The following ABCA9 variants were observed in gnomAD, a reference collection of about 807,000 sequenced individuals.
The protein encoded by ABCA9 is ATP-binding cassette sub-family A member 9.
ABCA9 carries 183 observed loss-of-function variants against 205.3 expected under a neutral mutation model. That is an observed-to-expected ratio of 0.89 (90% CI 0.79 to 1.01). ABCA9 has a LOEUF of 1.01. ABCA9 is among the 50% of genes least tolerant of loss of function. The pLI is 0.00. For missense variants in ABCA9, 1,805 were observed against 1,912.4 expected, an observed-to-expected ratio of 0.94 and a Z score of 1.05; for synonymous variants, 651 against 683.3, an observed-to-expected ratio of 0.95 and a Z score of 0.74.
chr17:69,041,107 T>C (rs1475612250), intron 6 of ABCA9, among the ~76,000 whole-genome samples: 1 of 152,218 alleles, frequency 6.6e-6, no homozygotes, highest in Non-Finnish European at 1.5e-5. Context: ...AACTGGCTTA[T>C]AGTGTGTCCA....
intron 1 of ABCA9, among the ~76,000 whole-genome samples, chr17:69,052,544 T>C (rs888786110): frequency 1.3e-5 from 2 of 152,154 alleles, no homozygotes; most frequent in African/African-American, 4.8e-5. Context: ...ATGCATAAAG[T>C]AGACAATATG....
chr17:68,991,435 T>C (rs1013482919), intron 28 of ABCA9, among the ~76,000 whole-genome samples: 4 of 152,150 alleles, frequency 2.6e-5, no homozygotes, highest in African/African-American at 9.7e-5. Flanking sequence ...AGTCACTTCT[T>C]GGGAATGTGT....
chr17:68,994,345 T>C (rs1210573046), intron 26 of ABCA9, among the ~76,000 whole-genome samples: 2 of 152,216 alleles, frequency 1.3e-5, no homozygotes, highest in Non-Finnish European at 2.9e-5. Flanking sequence ...AATTCCTTTT[T>C]ATATAGAACT....
the ABCA9 span, among the ~76,000 whole-genome samples, chr17:69,073,950 C>T: frequency 6.6e-6 from 1 of 152,142 alleles, no homozygotes; most frequent in African/African-American, 2.4e-5. Flanking sequence ...GATCTTCCCA[C>T]CTCATCCTCC....
In ABCA9 at chr17:69,016,324, T is replaced by C. The variant is rs1347154099; in HGVS notation, c.2968A>G (p.Ile990Val). The C allele has an allele frequency of 1.2e-6, 2 of 1,603,792 alleles. No individual in the cohort carries two copies. Among genetic ancestry groups the C allele is most frequent in the East Asian group, 2.3e-5 (1 of 43,942 alleles). ...AAAATTCCAAGTAGTCCATTGCTAA[T>C]GACATCCAGGAGGACAGGAAAGCAA... Reference protein sequence around the residue: ...LNCFPVLLDVISNGLLGIFNS... With the variant: ...LNCFPVLLDVVSNGLLGIFNS... Residue 990 changes from isoleucine to valine, a missense_variant, in exon 22 of 39, where the codon ATT becomes GTT. By Grantham distance (29) the Ile-to-Val change is conservative (BLOSUM62 3). Transcript: ENST00000340001.
chr17:69,017,872 A>G, intron 20 of ABCA9, 83 bp from the exon 21 acceptor site: 1 of 1,456,946 alleles, frequency 6.9e-7, no homozygotes, highest in South Asian at 1.2e-5. Flanking sequence ...ACATCACACA[A>G]AGCATATCAC....
chr17:69,033,324 G>C (rs10468457), intron 9 of ABCA9: 35,952 of 110,144 alleles, frequency 0.33, 6,856 homozygotes, highest in Non-Finnish European at 0.45. Context: ...AAAAAAAAAG[G>C]AAAGAAAGAA....
chr17:69,006,056 A>AT lies in ABCA9; in HGVS notation c.3435+1702dup, dbSNP rs539366877. On this transcript the variant is annotated intron_variant, in intron 25 of 38. Transcript: ENST00000340001. ...GTTTATTTTAACAAACATATAGCTA[A>AT]TTTTTTTAACCCAGTCTGGAAGTCA... 3.9e-3 allele frequency among the ~76,000 whole-genome samples: 589 copies of AT among 152,248 alleles called. 7 individuals carry two copies. The highest frequency in any genetic ancestry group is 0.014 in the African/African-American group (567 of 41,550).
chr17:69,049,434 T>G lies in ABCA9; in HGVS notation c.153A>C (p.Leu51Phe). Residue 51 changes from leucine to phenylalanine, a missense_variant, in exon 3 of 39, where the codon TTA becomes TTC. By Grantham distance (22) the Leu-to-Phe change is conservative. Transcript: ENST00000340001. ...VLFLYLFFSN[L>F]HQVHDTPQMS... ...TTTGAGGAGTGTCATGAACTTGATGTAAATTGGAGAAAAATAGGTACAGAA... is the reference window on the plus strand; with the variant it reads ...TTTGAGGAGTGTCATGAACTTGATGGAAATTGGAGAAAAATAGGTACAGAA... 6.2e-7 allele frequency: 1 copy of G among 1,613,120 alleles called. No individual in the cohort carries two copies. The highest frequency in any genetic ancestry group is 8.5e-7 in the Non-Finnish European group (1 of 1,179,440).
Position 69,035,260 on chromosome 17 carries a change from C to A in ABCA9, c.1114G>T (p.Val372Phe). The A allele has an allele frequency of 6.3e-7, 1 of 1,584,302 alleles. No individual in the cohort carries two copies. Among genetic ancestry groups the A allele is most frequent in the Middle Eastern group, 1.7e-4 (1 of 5,926 alleles). ...LCLLSPFAFT[V>F]GMAQLIHLDY... Reference sequence around the variant, plus strand: ...TTAACTCTTACCTGGGCCATCCCAACAGTGAAGGCAAAGGGGCTAAGAAGA... The same window carrying A: ...TTAACTCTTACCTGGGCCATCCCAAAAGTGAAGGCAAAGGGGCTAAGAAGA... Residue 372 changes from valine (V) to phenylalanine (F), a missense_variant, in exon 8 of 39, where the codon GTT becomes TTT. Physicochemically the swap from Val to Phe is conservative, Grantham distance 50. Transcript: ENST00000340001.
At chr17:68,981,604 C>T (rs2069054772) in intron 37 of ABCA9, among the ~76,000 whole-genome samples, 1 of 151,922 alleles carries the variant, frequency 6.6e-6, no homozygotes, top group African/African-American at 2.4e-5. Flanking sequence ...GTGATCCTAA[C>T]CCTGTCTCAA....
chr17:68,995,969 A>G lies in ABCA9; in HGVS notation c.3481T>C (p.Phe1161Leu). 6.2e-7 allele frequency: 1 copy of G among 1,613,780 alleles called. No individual in the cohort carries two copies. The highest frequency in any genetic ancestry group is 8.5e-7 in the Non-Finnish European group (1 of 1,179,906). The change falls in exon 26 of 39, where the codon TTT (phenylalanine) becomes CTT (leucine). Residue 1161 changes from phenylalanine (F) to leucine (L), a missense_variant. Physicochemically the swap from Phe to Leu is conservative, Grantham distance 22 (BLOSUM62 0). Coordinates refer to ENST00000340001, the MANE Select transcript of ABCA9 (RefSeq NM_080283.4). ...IVATDLNEYG[F>L]LGLFFGTMLI... ...ATGGTGCCAAAAAATAGCCCTAGAA[A>G]TCCATATTCATTTAGATCAGTAGCA...
At chr17:69,021,648 T>C (rs1187217244) in intron 18 of ABCA9, 94 bp downstream of exon 18, 1 of 822,346 alleles carries the variant, frequency 1.2e-6, no homozygotes, top group Non-Finnish European at 1.9e-6. Flanking sequence ...CAAGATAAAA[T>C]ACTGCACACA....
At chr17:69,063,511 T>C (rs2072304988), upstream of ABCA9, among the ~76,000 whole-genome samples, 1 of 152,210 alleles carries the variant, frequency 6.6e-6, no homozygotes, top group African/African-American at 2.4e-5. Flanking sequence ...ATCTTCTTGC[T>C]TTTCATTCTT....
At position 69,033,787 on chromosome 17, in the gene ABCA9, C is replaced by T. The variant is rs769538648; in HGVS notation, c.1215G>A (p.Met405Ile). Residue 405 changes from methionine (M) to isoleucine (I), a missense_variant, in exon 9 of 39, where the codon ATG (methionine) becomes ATA (isoleucine). Transcript: ENST00000340001. ...NPYLIIATLF[M>I]LVFDTLLYLV... ...AATACAGAAGGGTGTCAAAAACCAA[C>T]ATGAAAAGAGTAGCTATTATGAGGT... 6.2e-7 allele frequency: 1 copy of T among 1,611,840 alleles called. No homozygotes were observed.
At chr17:69,059,045 A>G (rs1213815153) in intron 1 of ABCA9, among the ~76,000 whole-genome samples, 2 of 152,088 alleles carry the variant, frequency 1.3e-5, no homozygotes, top group Non-Finnish European at 2.9e-5. Flanking sequence ...AGACTTGAAT[A>G]CTATCATGAG....
intron 28 of ABCA9, among the ~76,000 whole-genome samples, chr17:68,991,249 G>A (rs553988710): frequency 2.0e-4 from 30 of 152,270 alleles, no homozygotes; most frequent in African/African-American, 7.2e-4. Context: ...GCAAAGGATT[G>A]TGAAGCAGAG....
At chr17:69,049,229 G>A (rs956384908) in intron 3 of ABCA9, 54 bp downstream of exon 3, 137 of 1,445,674 alleles carry the variant, frequency 9.5e-5, no homozygotes, top group Non-Finnish European at 1.2e-4. Flanking sequence ...ATCTCAAAAT[G>A]AATTTGTGCC....
At chr17:68,986,706 C>G (rs1422658841) in intron 31 of ABCA9, 2 of 159,340 alleles carry the variant, frequency 1.3e-5, no homozygotes, top group African/African-American at 4.8e-5. Flanking sequence ...GGCAGTGGTT[C>G]TCAGCCAGGG....
Sources: allele counts gnomAD v4.1 joint callset (sites outside exome capture counted in the v4.1 genomes callset), GRCh38; gene constraint gnomAD v4.1.1; transcripts MANE v1.5; gene names NCBI Gene and HGNC (gene_info 2026-07-23, HGNC 2026-07-21).